Variants in CEP162 observed in about 807,000 individuals in gnomAD.
CEP162 encodes centrosomal protein 162, also known as centrosomal protein of 162 kDa.
In CEP162, 141 loss-of-function variants were observed where a neutral mutation model predicts 169.2. The observed-to-expected ratio is 0.83, with a 90% CI of 0.73 to 0.96. The LOEUF (loss-of-function observed/expected upper bound fraction) is 0.96. Among genes scored for constraint, CEP162 ranks in the 40% least tolerant of loss-of-function variants. The pLI is 0.00. For synonymous variants in CEP162, 540 were observed against 526.4 expected, an observed-to-expected ratio of 1.03 and a Z score of -0.35; for missense variants, 1,600 against 1,587.2, an observed-to-expected ratio of 1.01 and a Z score of -0.14.
rs774409790 is a variant in CEP162, at chr6:84,155,367, A to T, written c.2925T>A (p.Asp975Glu). ...TTGCATCTTCATCTTTGCCCTCCAGATCAGCTTCTAGCTTTTTTATCCTTT... is the reference window on the plus strand; with the variant it reads ...TTGCATCTTCATCTTTGCCCTCCAGTTCAGCTTCTAGCTTTTTTATCCTTT... ...MEKRIKKLEA[D>E]LEGKDEDAKK... Residue 975 changes from aspartate to glutamate, a missense_variant, in exon 22 of 27, where the codon GAT (aspartate) becomes GAA (glutamate). Asp to Glu is a conservative substitution (Grantham distance 45, BLOSUM62 2). Transcript: ENST00000403245. 3 of 1,613,678 alleles carry T rather than the reference A, an allele frequency of 1.9e-6. No homozygotes were observed. Among genetic ancestry groups the T allele is most frequent in the Admixed American group, 3.3e-5 (2 of 60,002 alleles).
chr6:84,125,087 T>C lies in CEP162; in HGVS notation c.4195A>G (p.Asn1399Asp). Reference sequence around the variant, plus strand: ...AATTTCTATTAATACTCTGGTGCATTCATTTCATCTGCAAAAGCAACTGGC... The same window carrying C: ...AATTTCTATTAATACTCTGGTGCATCCATTTCATCTGCAAAAGCAACTGGC... ...VVPVAFADEM[N>D]APEY Residue 1399 changes from asparagine to aspartate, a missense_variant, in exon 27 of 27, where the codon AAT (asparagine) becomes GAT (aspartate). Transcript: ENST00000403245. 1 of 1,612,222 alleles carries C rather than the reference T, an allele frequency of 6.2e-7. No individual in the cohort carries two copies. Among genetic ancestry groups the C allele is most frequent in the Non-Finnish European group, 8.5e-7 (1 of 1,178,966 alleles).
At chr6:84,146,548 C>A in intron 25 of CEP162, 139 bp downstream of exon 25, 1 of 466,380 alleles carries the variant, frequency 2.1e-6, no homozygotes, top group Non-Finnish European at 3.8e-6. Context: ...TTTACATAAG[C>A]ACGCTGCTAA....
rs61540420 is a variant in CEP162 at position 84,133,562 on chromosome 6, C to T, written c.3871-7050G>A. On this transcript the variant is annotated intron_variant, in intron 25 of 26. Coordinates refer to ENST00000403245, the MANE Select transcript of CEP162 (RefSeq NM_014895.4). ...TGTTTACCTACTCAAGCCTCAGCAA[C>T]GGCGGATGCCCCTCCCCCAGCCTTG... is the stretch of plus-strand genomic sequence containing the variant. Among the ~76,000 whole-genome samples, 940 of 152,296 alleles carry T rather than the reference C, an allele frequency of 6.2e-3. 3 individuals are homozygous for T. The highest frequency in any genetic ancestry group is 0.021 in the African/African-American group (878 of 41,564).
At chr6:84,131,126 T>C (rs78391106) in intron 25 of CEP162, among the ~76,000 whole-genome samples, 3,385 of 152,302 alleles carry the variant, frequency 0.022, 126 homozygotes, top group African/African-American at 0.076. Flanking sequence ...CAGTAGTCCT[T>C]CAGGAGCAGT....
intron 16 of CEP162, among the ~76,000 whole-genome samples, chr6:84,173,212 G>A (rs1562040799): frequency 6.6e-6 from 1 of 152,172 alleles, no homozygotes; most frequent in Non-Finnish European, 1.5e-5. Flanking sequence ...CGATTGCTGT[G>A]TGTCACACTA....
intron 18 of CEP162, among the ~76,000 whole-genome samples, chr6:84,167,433 G>C (rs957216108): frequency 6.6e-6 from 1 of 151,988 alleles, no homozygotes; most frequent in Non-Finnish European, 1.5e-5. Flanking sequence ...AGCACTTTAA[G>C]TCTATTTATT....
chr6:84,181,101 C>G lies in CEP162; in HGVS notation c.1663+4086G>C, dbSNP rs1212546816. ...AGGCATCATGCTACCTGACTTCAAACTATACTACAAGGCTACAGTAACCAA... is the reference window on the plus strand; with the variant it reads ...AGGCATCATGCTACCTGACTTCAAAGTATACTACAAGGCTACAGTAACCAA... On this transcript the variant is annotated intron_variant, in intron 13 of 26. Coordinates refer to ENST00000403245, the MANE Select transcript of CEP162 (RefSeq NM_014895.4). 4.6e-5 allele frequency among the ~76,000 whole-genome samples: 7 copies of G among 152,168 alleles called. No individual in the cohort carries two copies. The East Asian group carries it at 1.3e-3, about 29-fold the overall frequency.
At chr6:84,185,137 T>C (rs1240390378) in intron 13 of CEP162, 50 bp downstream of exon 13, 9 of 1,463,714 alleles carry the variant, frequency 6.1e-6, no homozygotes, top group African/African-American at 4.2e-5. Context: ...TTCTCTTCCA[T>C]GGAAGCAAAG....
chr6:84,172,183 C>T (rs150528864), intron 16 of CEP162, among the ~76,000 whole-genome samples: 4 of 152,196 alleles, frequency 2.6e-5, no homozygotes, highest in African/African-American at 9.6e-5. Flanking sequence ...ATCAGATGTA[C>T]CTACGGGTGC....
At chr6:84,126,212 T>A (rs887526150) in intron 26 of CEP162, among the ~76,000 whole-genome samples, 166 bp downstream of exon 26, 1 of 152,054 alleles carries the variant, frequency 6.6e-6, no homozygotes, top group Non-Finnish European at 1.5e-5. Flanking sequence ...AGATATAAAG[T>A]CTCATTTTCT....
At chr6:84,174,574 G>A (rs983651377) in intron 15 of CEP162, among the ~76,000 whole-genome samples, 153 bp downstream of exon 15, 6 of 151,840 alleles carry the variant, frequency 4.0e-5, no homozygotes, top group South Asian at 2.1e-4. Context: ...TCTCATGTAC[G>A]GAATCACTCT....
In CEP162 at chr6:84,174,823, C is replaced by CTTTAGTTCTTCCAACTTA; in HGVS notation, c.1928_1929insTAAGTTGGAAGAACTAAA (p.Glu642_Lys643insAsnLysLeuGluGluLeu). On this transcript the variant is annotated inframe_insertion, in exon 15 of 27. Transcript: ENST00000403245. The stretch of plus-strand genomic sequence containing the variant: ...CCAACTTATTTTCTAGTTCTTTCTC[C>CTTTAGTTCTTCCAACTTA]TTTTCTGAGAATGTGGCTTTAATTT... 1 of 1,601,456 alleles carries CTTTAGTTCTTCCAACTTA rather than the reference C, an allele frequency of 6.2e-7. No homozygotes were observed. The highest frequency in any genetic ancestry group is 8.5e-7 in the Non-Finnish European group (1 of 1,171,982).
At chr6:84,191,384 GAAT>G (rs896965074) in intron 11 of CEP162, among the ~76,000 whole-genome samples, 2 of 152,174 alleles carry the variant, frequency 1.3e-5, no homozygotes, top group African/African-American at 4.8e-5. Flanking sequence ...CTTCTTAATA[GAAT>G]AATAACCTAA....
At chr6:84,136,105 C>G (rs1216228777) in intron 25 of CEP162, among the ~76,000 whole-genome samples, 1 of 152,266 alleles carries the variant, frequency 6.6e-6, no homozygotes, top group Non-Finnish European at 1.5e-5. Flanking sequence ...TGATATTGTT[C>G]AGGTGTTCAT....
chr6:84,157,111 T>C (rs918394369), intron 21 of CEP162, among the ~76,000 whole-genome samples: 1 of 152,114 alleles, frequency 6.6e-6, no homozygotes, highest in African/African-American at 2.4e-5. Flanking sequence ...CCTAAATCTA[T>C]AAAAATAAAA....
chr6:84,163,269 T>C lies in CEP162; in HGVS notation c.2387A>G (p.Lys796Arg). The C allele has an allele frequency of 1.3e-6, 2 of 1,599,904 alleles. No homozygotes were observed. Among genetic ancestry groups the C allele is most frequent in the Non-Finnish European group, 1.7e-6 (2 of 1,170,876 alleles). ...DLLAELRMAQ[K>R]EKDSLLEDIK... The stretch of plus-strand genomic sequence containing the variant: ...GTCTTCCAATAAACTGTCTTTTTCT[T>C]TCTTGATATTCAAAAGAAATATAAA... The change falls in exon 19 of 27, where the codon AAA (lysine) becomes AGA (arginine). Residue 796 changes from lysine (K) to arginine (R), a missense_variant and splice_region_variant. Physicochemically the swap from Lys to Arg is conservative, Grantham distance 26. Transcript: ENST00000403245.
chr6:84,149,112 G>C (rs1324147), intron 24 of CEP162, among the ~76,000 whole-genome samples: 6,440 of 152,138 alleles, frequency 0.042, 197 homozygotes, highest in Admixed American at 0.086. Flanking sequence ...TCCAGTGCCT[G>C]ATTGTCTATT....
Position 84,152,576 on chromosome 6 carries a change from C to T in CEP162, c.3598G>A (p.Val1200Met), listed in dbSNP as rs1392791514. The T allele has an allele frequency of 5.2e-6, 8 of 1,531,560 alleles. No individual in the cohort carries two copies. Among genetic ancestry groups the T allele is most frequent in the Non-Finnish European group, 7.0e-6 (8 of 1,138,492 alleles). 94.9% of individuals were successfully genotyped at this position (1,531,560 alleles called of 1,614,324 possible). A position where few individuals can be genotyped will look rare whatever the true frequency, so the allele number is the denominator to read the frequency against. Residue 1200 changes from valine (V) to methionine (M), a missense_variant, in exon 23 of 27, where the codon GTG (valine) becomes ATG (methionine). Physicochemically the swap from Val to Met is conservative, Grantham distance 21. Transcript: ENST00000403245. ...ATGGAGTTTTCAAATTGATTCATCA[C>T]TGCTTCAGATTTCATCTTCAGTTCA... The part of the protein sequence containing the change: ...KNELKMKSEA[V>M]MNQFENSMRR...
Position 84,186,540 on chromosome 6 carries a change from T to C in CEP162, c.1193A>G (p.Asp398Gly), listed in dbSNP as rs200010328. 4 of 1,612,870 alleles carry C rather than the reference T, an allele frequency of 2.5e-6. No homozygotes were observed. The East Asian group carries it at 8.9e-5, about 36-fold the overall frequency. ...LKMNPNILSQ[D>G]SQHVNLFFDK... ...AAAAAAAAGGTTCACATGTTGTGAG[T>C]CTTGAGACAAAATATTTGGGTTCAT... The change falls in exon 12 of 27, where the codon GAC (aspartate) becomes GGC (glycine). Residue 398 changes from aspartate to glycine, a missense_variant. Coordinates refer to ENST00000403245, the MANE Select transcript of CEP162 (RefSeq NM_014895.4).
Sources: gnomAD v4.1 joint callset for allele counts (sites outside exome capture counted in the v4.1 genomes callset) on GRCh38, gnomAD v4.1.1 for gene constraint, MANE v1.5 for transcripts, NCBI Gene and HGNC (gene_info 2026-07-23, HGNC 2026-07-21) for gene names.